Variants in C7 observed in about 807,000 individuals in gnomAD.
The protein encoded by C7 is complement C7, also known as complement component C7.
C7 carries 83 observed loss-of-function variants against 104.8 expected under a neutral mutation model. That is an observed-to-expected ratio of 0.79 (90% CI 0.66 to 0.95). The LOEUF (loss-of-function observed/expected upper bound fraction) is 0.95. C7 is among the 40% of genes least tolerant of loss of function. The pLI is 0.00. For synonymous variants in C7, 415 were observed against 360.6 expected (o/e 1.15, Z -1.71); for missense variants, 1,070 against 1,011.2 (o/e 1.06, Z -0.79).
At chr5:40,927,806 G>A (rs767015951) in intron 1 of C7, among the ~76,000 whole-genome samples, 77 of 152,282 alleles carry the variant, frequency 5.1e-4, no homozygotes, top group Non-Finnish European at 6.9e-4. Context: ...CATTGGTATG[G>A]ATGTGGAAAA....
chr5:40,980,325 G>A (rs1417374647), intron 17 of C7: 2 of 153,434 alleles, frequency 1.3e-5, no homozygotes, highest in Admixed American at 6.5e-5. Flanking sequence ...TATATGTAAT[G>A]GAACTAAATA....
chr5:40,923,318 C>A (rs1258578322), intron 1 of C7, among the ~76,000 whole-genome samples: 1 of 152,090 alleles, frequency 6.6e-6, no homozygotes, highest in African/African-American at 2.4e-5. Context: ...GGTTTAATTG[C>A]CTTGTGGTTC....
At chr5:40,978,862 A>C (rs1340867622) in intron 16 of C7, among the ~76,000 whole-genome samples, 1 of 108,518 alleles carries the variant, frequency 9.2e-6, no homozygotes, top group Non-Finnish European at 2.1e-5. Context: ...AAGGTAACAC[A>C]TTTTATGGAA....
At chr5:40,920,765 T>C (rs1347309767) in intron 1 of C7, among the ~76,000 whole-genome samples, 1 of 152,220 alleles carries the variant, frequency 6.6e-6, no homozygotes, top group Non-Finnish European at 1.5e-5. Context: ...GAAAAAAATG[T>C]AGGCTGGGCA....
chr5:40,919,519 T>C (rs992508525), intron 1 of C7, among the ~76,000 whole-genome samples: 4 of 152,030 alleles, frequency 2.6e-5, no homozygotes, highest in African/African-American at 9.7e-5. Flanking sequence ...CCCAGCTAAT[T>C]GGAAAGCTGA....
At chr5:40,964,020 CTTTTTTTTTTTT>C (rs869250524) in intron 13 of C7, among the ~76,000 whole-genome samples, 2 of 39,886 alleles carry the variant, frequency 5.0e-5, no homozygotes, top group Non-Finnish European at 1.2e-4. Context: ...GCTCATAATA[CTTTTTTTTTTTT>C]TTTTTTTTTT....
At chr5:40,969,111 TA>T (rs1192730967) in intron 14 of C7, among the ~76,000 whole-genome samples, 1 of 152,054 alleles carries the variant, frequency 6.6e-6, no homozygotes, top group African/African-American at 2.4e-5. Context: ...ATATTTATTA[TA>T]ATGAATGAGC....
chr5:40,979,892 T>G lies in C7; in HGVS notation c.2333T>G (p.Leu778Arg), dbSNP rs1740905740. The G allele has an allele frequency of 6.3e-7, 1 of 1,591,066 alleles. No homozygotes were observed. Among genetic ancestry groups the G allele is most frequent in the Non-Finnish European group, 8.6e-7 (1 of 1,165,710 alleles). Reference protein sequence around the residue: ...SAEKACGACPLWGKCDAESSK... With the variant: ...SAEKACGACPRWGKCDAESSK... ...GAGAAAGCTTGTGGTGCCTGCCCAC[T>G]GTGGGGAAAATGTGATGGTAAGGGG... The change falls in exon 17 of 18, where the codon CTG becomes CGG. Residue 778 changes from leucine to arginine, a missense_variant. Physicochemically the swap from Leu to Arg is moderately radical, Grantham distance 102. Transcript: ENST00000313164.
intron 1 of C7, among the ~76,000 whole-genome samples, chr5:40,926,051 A>G (rs1305446062): frequency 1.3e-5 from 2 of 152,234 alleles, no homozygotes; most frequent in Non-Finnish European, 2.9e-5. Context: ...ACCCATTAAA[A>G]GTATCATCTA....
intron 13 of C7, among the ~76,000 whole-genome samples, chr5:40,962,599 C>G (rs1740447083): frequency 6.6e-6 from 1 of 152,096 alleles, no homozygotes; most frequent in South Asian, 2.1e-4. Context: ...GTCAATAAGA[C>G]AGTTAGCTAG....
At chr5:40,954,234 G>T (rs530644895) in intron 9 of C7, among the ~76,000 whole-genome samples, 1 of 152,060 alleles carries the variant, frequency 6.6e-6, no homozygotes, top group Non-Finnish European at 1.5e-5. Flanking sequence ...ATTTTATTAT[G>T]AAAATTTTAA....
rs150378094 is a variant in C7, at chr5:40,983,460, G to T, written c.*1887G>T. Among the ~76,000 whole-genome samples, 96 of 152,286 alleles carry T rather than the reference G, an allele frequency of 6.3e-4. 1 individual carries two copies. The East Asian group carries it at 0.017, about 27-fold the overall frequency. On this transcript the variant is annotated 3_prime_UTR_variant, in exon 18 of 18. Transcript: ENST00000313164. ...GATGTAACTAAGAGGTTTGAGAAAG[G>T]AATTTCAGCAGAGTTATTGAAGGAG...
At chr5:40,943,977 A>G (rs780824765) in intron 6 of C7, among the ~76,000 whole-genome samples, 1 of 152,202 alleles carries the variant, frequency 6.6e-6, no homozygotes, top group Non-Finnish European at 1.5e-5. Flanking sequence ...GGTTAATAGC[A>G]TCTTCACACT....
Position 40,921,165 on chromosome 5 carries a change from T to C in C7, c.7-7415T>C, listed in dbSNP as rs1324504316. Among the ~76,000 whole-genome samples the C allele has an allele frequency of 5.9e-5, 9 of 152,144 alleles. No individual in the cohort carries two copies. The East Asian group carries it at 1.5e-3, about 26-fold the overall frequency. On this transcript the variant is annotated intron_variant, in intron 1 of 17. Coordinates refer to ENST00000313164, the MANE Select transcript of C7 (RefSeq NM_000587.4). ...AAAAATCAGCAGCATTCCTACATGCTAACAGAGATGGTTCTGAAAAGAAAA... is the reference window on the plus strand; with the variant it reads ...AAAAATCAGCAGCATTCCTACATGCCAACAGAGATGGTTCTGAAAAGAAAA...
rs780119460 is a variant in C7 at position 40,937,555 on chromosome 5, C to T, written c.432C>T (p.Tyr144=). The change falls in exon 6 of 18, where the codon TAC becomes TAT. Residue 144 remains tyrosine (Y), a synonymous_variant. Transcript: ENST00000313164. ...PPNIELTGNG[Y]NELTGQFRNR... ...CTCCTCCTCCTCCTTTTAACAGTTA[C>T]AATGAACTCACTGGCCAGTTTAGGA... 435 of 1,605,764 alleles carry T rather than the reference C, an allele frequency of 2.7e-4. 1 individual carries two copies. Among genetic ancestry groups the T allele is most frequent in the Non-Finnish European group, 1.8e-5 (21 of 1,176,686 alleles).
At chr5:40,957,715 C>G (rs991973798) in intron 10 of C7, among the ~76,000 whole-genome samples, 3 of 151,448 alleles carry the variant, frequency 2.0e-5, no homozygotes, top group African/African-American at 7.3e-5. Flanking sequence ...CGCAGCCTCT[C>G]AAAGTGCTGG....
chr5:40,931,164 T>G (rs1332041467), intron 3 of C7, 25 bp downstream of exon 3: 1 of 1,572,048 alleles, frequency 6.4e-7, no homozygotes, highest in Non-Finnish European at 8.8e-7. Context: ...AACTTTGTAT[T>G]TGATTATTTA....
chr5:40,957,696 C>A (rs943670937), intron 10 of C7, among the ~76,000 whole-genome samples: 3 of 151,896 alleles, frequency 2.0e-5, no homozygotes, highest in Non-Finnish European at 2.9e-5. Flanking sequence ...CTCAGGTGAT[C>A]CCCCCTGCCG....
Position 40,972,554 on chromosome 5 carries a change from G to T in C7, c.2034G>T (p.Lys678Asn). The T allele has an allele frequency of 6.2e-7, 1 of 1,612,416 alleles. No homozygotes were observed. Among genetic ancestry groups the T allele is most frequent in the South Asian group, 1.1e-5 (1 of 90,756 alleles). Residue 678 changes from lysine (K) to asparagine (N), a missense_variant, in exon 15 of 18, where the codon AAG becomes AAT. Lys to Asn is a moderately conservative substitution (Grantham distance 94). Transcript: ENST00000313164. ...PSAFLCGSSL[K>N]WSPEMKNARC... ...CATTTCTCTGTGGCTCCAGCCTTAA[G>T]TGGAGTCCTGAGATGAAGAATGCCC...
Sources: allele counts gnomAD v4.1 joint callset (sites outside exome capture counted in the v4.1 genomes callset), GRCh38; gene constraint gnomAD v4.1.1; transcripts MANE v1.5; gene names NCBI Gene and HGNC (gene_info 2026-07-23, HGNC 2026-07-21).